The following EEF1AKMT3 variants were observed in gnomAD, a reference collection of about 807,000 sequenced individuals.
EEF1AKMT3 encodes the protein EEF1A lysine methyltransferase 3.
In EEF1AKMT3, 17 loss-of-function variants were observed where a neutral mutation model predicts 17.8. The ratio of observed to expected loss-of-function variants is 0.96; its 90% CI spans 0.65 to 1.43. The LOEUF (loss-of-function observed/expected upper bound fraction) is 1.43. Among genes scored for constraint, EEF1AKMT3 ranks in the 40% most tolerant of loss-of-function variants. The pLI is 0.00. For synonymous variants in EEF1AKMT3, 116 were observed against 126.5 expected (o/e 0.92, Z 0.56); for missense variants, 244 against 285.8 (o/e 0.85, Z 1.06).
Position 57,780,747 on chromosome 12 carries a change from TGGA to T in EEF1AKMT3, c.*102_*104del, listed in dbSNP as rs750602507. 3.2e-4 allele frequency: 463 copies of T among 1,459,274 alleles called. No homozygotes were observed. The highest frequency in any genetic ancestry group is 3.8e-4 in the Non-Finnish European group (414 of 1,084,336). 90.4% of individuals were successfully genotyped at this position (1,459,274 alleles called of 1,614,324 possible). On this transcript the variant is annotated 3_prime_UTR_variant, in exon 3 of 3. Transcript: ENST00000300209. ...CCACAAACATGAGGACCAAAAAGGA[TGGA>T]TTTCCCTGGCCTCTCTCACTTTCCT... is the stretch of plus-strand genomic sequence containing the variant.
At chr12:57,779,709 T>C (rs1955500667) in intron 2 of EEF1AKMT3, among the ~76,000 whole-genome samples, 1 of 152,216 alleles carries the variant, frequency 6.6e-6, no homozygotes, top group Non-Finnish European at 1.5e-5. Flanking sequence ...CGAACCTGAA[T>C]CTTCTTAGCA....
rs749929065 is a variant in EEF1AKMT3, at chr12:57,773,047, C to CA, written c.212dup (p.Asn71LysfsTer34). On this transcript the variant is annotated frameshift_variant, in exon 2 of 3. Coordinates refer to ENST00000300209, the MANE Select transcript of EEF1AKMT3 (RefSeq NM_015433.3). LOFTEE classifies it high-confidence loss of function. ...GAGCCTGTGCAATTATTTCGAGAGT[C>CA]AAAATGTGGATTTCCGAGGCAAGAA... 6.2e-7 allele frequency: 1 copy of CA among 1,614,086 alleles called. No individual in the cohort carries two copies. The highest frequency in any genetic ancestry group is 8.5e-7 in the Non-Finnish European group (1 of 1,180,020).
chr12:57,775,105 C>CAAAAAAAAA (rs1019116260), intron 2 of EEF1AKMT3, among the ~76,000 whole-genome samples: 3 of 33,626 alleles, frequency 8.9e-5, no homozygotes, highest in South Asian at 1.3e-3. Context: ...AACGCCATCT[C>CAAAAAAAAA]AAAAAAAAAA....
At position 57,772,959 on chromosome 12, in the gene EEF1AKMT3, C is replaced by T. The variant is rs1211871328; in HGVS notation, c.177+58C>T. ...TGGGAGGTCCAGATCCCGGACTCCG[C>T]CTCTCCCATATGGAGCCATCCTCAC... On this transcript the variant is annotated intron_variant, in intron 1 of 2. Coordinates refer to ENST00000300209, the MANE Select transcript of EEF1AKMT3 (RefSeq NM_015433.3). The surrounding 1 kb of genome is among the most constrained non-coding windows in gnomAD (Gnocchi z 4.1). 5.6e-6 allele frequency: 9 copies of T among 1,612,830 alleles called. No homozygotes were observed. In the Admixed American group the frequency reaches 1.2e-4, roughly 21 times the overall value.
In EEF1AKMT3 at chr12:57,772,628, G is replaced by T; in HGVS notation, c.-97G>T. 7.5e-7 allele frequency: 1 copy of T among 1,336,328 alleles called. No homozygotes were observed. Among genetic ancestry groups the T allele is most frequent in the Non-Finnish European group, 1.0e-6 (1 of 991,992 alleles). 82.8% of individuals were successfully genotyped at this position (1,336,328 alleles called of 1,614,324 possible). A position where few individuals can be genotyped will look rare whatever the true frequency, so the allele number is the denominator to read the frequency against. On this transcript the variant is annotated 5_prime_UTR_variant, in exon 1 of 3. Coordinates refer to ENST00000300209, the MANE Select transcript of EEF1AKMT3 (RefSeq NM_015433.3). The surrounding 1 kb of genome is among the most constrained non-coding windows in gnomAD (Gnocchi z 4.1). ...AGGGAGGCGGGGCTCGTTCCACAGG[G>T]ACACCACGACGGCTCGCGGCCCCCA...
At position 57,780,311 on chromosome 12, in the gene EEF1AKMT3, G is replaced by A. The variant is rs140355349; in HGVS notation, c.346G>A (p.Val116Ile). The change falls in exon 3 of 3, where the codon GTC becomes ATC. Residue 116 changes from valine (V) to isoleucine (I), a missense_variant. By Grantham distance (29) the Val-to-Ile change is conservative. Coordinates refer to ENST00000300209, the MANE Select transcript of EEF1AKMT3 (RefSeq NM_015433.3). ...GGCCCTAGAACAGATCCAGGGCAAC[G>A]TCCAGGCCAATGTGCCAGCTGGAGG... ...PLALEQIQGN[V>I]QANVPAGGQA... is the part of the protein sequence containing the mutation. 5.6e-5 allele frequency: 91 copies of A among 1,614,010 alleles called. No homozygotes were observed. Among genetic ancestry groups the A allele is most frequent in the Non-Finnish European group, 7.2e-5 (85 of 1,180,022 alleles).
Position 57,780,816 on chromosome 12 carries a change from A to C in EEF1AKMT3, c.*170A>C. ...ACCCCAGATACTCTTGGGCAGGTGC[A>C]GTGAGGTGCCTGCTTACAAGGAATC... On this transcript the variant is annotated 3_prime_UTR_variant, in exon 3 of 3. Transcript: ENST00000300209. 2.4e-6 allele frequency: 2 copies of C among 845,872 alleles called. No individual in the cohort carries two copies. Among genetic ancestry groups the C allele is most frequent in the South Asian group, 3.6e-5 (2 of 54,806 alleles). The allele number at this position is 845,872 out of a possible 1,614,324, so 52.4% of individuals were successfully genotyped here. A position where few individuals can be genotyped will look rare whatever the true frequency, so the allele number is the denominator to read the frequency against.
intron 2 of EEF1AKMT3, among the ~76,000 whole-genome samples, chr12:57,778,074 A>G (rs914600235): frequency 6.6e-6 from 1 of 151,196 alleles, no homozygotes; most frequent in Admixed American, 6.6e-5. Flanking sequence ...AGACTATCCC[A>G]TTTCTATCTC....
intron 2 of EEF1AKMT3, among the ~76,000 whole-genome samples, chr12:57,779,308 GTATTT>G (rs1482901802): frequency 6.6e-6 from 1 of 152,002 alleles, no homozygotes; most frequent in Non-Finnish European, 1.5e-5. Flanking sequence ...GATGTACAGT[GTATTT>G]TATTTTATTT....
rs538578599 is a variant in EEF1AKMT3 at position 57,780,396 on chromosome 12, A to G, written c.431A>G (p.Tyr144Cys). 1.2e-6 allele frequency: 2 copies of G among 1,614,142 alleles called. No individual in the cohort carries two copies. Among genetic ancestry groups the G allele is most frequent in the South Asian group, 1.1e-5 (1 of 91,086 alleles). Residue 144 changes from tyrosine to cysteine, a missense_variant, in exon 3 of 3, where the codon TAT (tyrosine) becomes TGT (cysteine). Physicochemically the swap from Tyr to Cys is radical, Grantham distance 194. Coordinates refer to ENST00000300209, the MANE Select transcript of EEF1AKMT3 (RefSeq NM_015433.3). The stretch of plus-strand genomic sequence containing the variant: ...GACCATCATGTCTTCCCTGCAAACT[A>G]TGACCTGGTGCTGGGGGCTGATATC... The part of the protein sequence containing the change: ...GIDHHVFPAN[Y>C]DLVLGADIVY...
Position 57,773,147 on chromosome 12 carries a change from T to C in EEF1AKMT3, c.289+19T>C, listed in dbSNP as rs1311886113. The C allele has an allele frequency of 1.2e-6, 2 of 1,612,528 alleles. No homozygotes were observed. The highest frequency in any genetic ancestry group is 1.7e-5 in the Admixed American group (1 of 60,002). On this transcript the variant is annotated intron_variant, in intron 2 of 2. Coordinates refer to ENST00000300209, the MANE Select transcript of EEF1AKMT3 (RefSeq NM_015433.3). ...CTGCAGGGTGCGTGAGCTGGCTTTT[T>C]ACGGGAGAGAGTGGGGACCCAGGGG...
In EEF1AKMT3 at chr12:57,772,656, C is replaced by T; in HGVS notation, c.-69C>T. ...ACCACGACGGCTCGCGGCCCCCAGC[C>T]TCTACCCCGCTCCGGATCCGGGATC... is the stretch of plus-strand genomic sequence containing the variant. On this transcript the variant is annotated 5_prime_UTR_variant, in exon 1 of 3. Transcript: ENST00000300209. The surrounding 1 kb of genome is among the most constrained non-coding windows in gnomAD (Gnocchi z 4.1). 2.0e-6 allele frequency: 3 copies of T among 1,510,596 alleles called. No individual in the cohort carries two copies. Among genetic ancestry groups the T allele is most frequent in the Non-Finnish European group, 2.7e-6 (3 of 1,126,382 alleles). The allele number at this position is 1,510,596 out of a possible 1,614,324, so 93.6% of individuals were successfully genotyped here.
rs1955452617 is a variant in EEF1AKMT3 at position 57,772,927 on chromosome 12, G to A, written c.177+26G>A. 1 of 1,613,226 alleles carries A rather than the reference G, an allele frequency of 6.2e-7. No individual in the cohort carries two copies. Among genetic ancestry groups the A allele is most frequent in the South Asian group, 1.1e-5 (1 of 91,014 alleles). ...GTGAGGAATGGGCTGCGCCGGGTGA[G>A]GGTCCGTGGGAGGTCCAGATCCCGG... On this transcript the variant is annotated intron_variant, in intron 1 of 2. Transcript: ENST00000300209. This position sits in a 1 kb window ranked among gnomAD's most constrained non-coding sequence, Gnocchi z 4.1.
intron 2 of EEF1AKMT3, 37 bp downstream of exon 2, chr12:57,773,165 C>T (rs1279625066): frequency 1.3e-6 from 2 of 1,593,580 alleles, no homozygotes; most frequent in African/African-American, 2.7e-5. Flanking sequence ...AGAGTGGGGA[C>T]CCAGGGGCGC....
intron 2 of EEF1AKMT3, among the ~76,000 whole-genome samples, chr12:57,776,928 A>C (rs1955484080): frequency 6.6e-6 from 1 of 152,078 alleles, no homozygotes; most frequent in Non-Finnish European, 1.5e-5. Context: ...TGGGATTACA[A>C]ATGTGAGCCA....
At chr12:57,773,552 G>A (rs944476380) in intron 2 of EEF1AKMT3, among the ~76,000 whole-genome samples, 1 of 152,008 alleles carries the variant, frequency 6.6e-6, no homozygotes, top group Non-Finnish European at 1.5e-5. Flanking sequence ...CTCAGCCTCC[G>A]AAGTAGCTGG....
rs753463719 is a variant in EEF1AKMT3 at position 57,772,803 on chromosome 12, T to C, written c.79T>C (p.Tyr27His). The C allele has an allele frequency of 2.5e-6, 4 of 1,614,176 alleles. No individual in the cohort carries two copies. The South Asian group carries it at 4.4e-5, about 18-fold the overall frequency. ...GGAGGTCGGGCTCTTTGCAGACTCT[T>C]ACTCGGAGAAGAGCCAGTTCTGTTT... ...PREVGLFADS[Y>H]SEKSQFCFCG... is the part of the protein sequence containing the mutation. Residue 27 changes from tyrosine (Y) to histidine (H), a missense_variant, in exon 1 of 3, where the codon TAC (tyrosine) becomes CAC (histidine). By Grantham distance (83) the Tyr-to-His change is moderately conservative. Transcript: ENST00000300209. This position sits in a 1 kb window ranked among gnomAD's most constrained non-coding sequence, Gnocchi z 4.1.
chr12:57,777,600 C>T (rs551376503), intron 2 of EEF1AKMT3, among the ~76,000 whole-genome samples: 41 of 152,330 alleles, frequency 2.7e-4, no homozygotes, highest in African/African-American at 8.4e-4. Flanking sequence ...TCCATGCTCT[C>T]TTGTTGGTTC....
At position 57,782,500 on chromosome 12, in the gene EEF1AKMT3, A is replaced by C; in HGVS notation, c.*1854A>C. On this transcript the variant is annotated 3_prime_UTR_variant, in exon 3 of 3. Transcript: ENST00000300209. ...GTTGTGAGTCATAAATGGATAATGA[A>C]TATAAATGCGCATTGAAAATAAACA... The C allele has an allele frequency of 2.4e-6, 1 of 422,632 alleles. No individual in the cohort carries two copies. The highest frequency in any genetic ancestry group is 3.8e-5 in the South Asian group (1 of 26,156). 26.2% of individuals were successfully genotyped at this position (422,632 alleles called of 1,614,324 possible).
Sources: allele counts gnomAD v4.1 joint callset (sites outside exome capture counted in the v4.1 genomes callset), GRCh38; gene constraint gnomAD v4.1.1; non-coding constraint Gnocchi (gnomAD v3.1); transcripts MANE v1.5; gene names NCBI Gene and HGNC (gene_info 2026-07-23, HGNC 2026-07-21).